MX2: variants seen among roughly 807,000 people sequenced by gnomAD.
MX2 encodes the protein MX dynamin like GTPase 2, also known as interferon-induced GTP-binding protein Mx2.
MX2 carries 51 observed loss-of-function variants against 74.0 expected under a neutral mutation model. The ratio of observed to expected loss-of-function variants is 0.69; its 90% CI spans 0.55 to 0.87. The LOEUF is 0.87. Ranked by LOEUF, MX2 falls within the 40% of genes least tolerant of loss-of-function variation. The pLI, the probability that MX2 is intolerant of heterozygous loss-of-function variation, is 0.00. For synonymous variants in MX2, 369 were observed against 339.3 expected (o/e 1.09, Z -0.96); for missense variants, 832 against 908.7 (o/e 0.92, Z 1.09).
At chr21:41,401,030 A>G (rs1009943347) in intron 10 of MX2, 1 of 152,184 alleles carries the variant, frequency 6.6e-6, no homozygotes, top group Non-Finnish European at 1.5e-5. Flanking sequence ...AAACTATCAG[A>G]TCCTGTGAGA....
chr21:41,395,346 G>T (rs1300403005), intron 6 of MX2, among the ~76,000 whole-genome samples: 8 of 152,160 alleles, frequency 5.3e-5, no homozygotes, highest in East Asian at 1.9e-4. Context: ...AGGCATCCAC[G>T]AAATATTTGT....
chr21:41,365,268 G>C (rs1025782143), intron 1 of MX2: 2 of 152,146 alleles, frequency 1.3e-5, no homozygotes, highest in Non-Finnish European at 2.9e-5. Context: ...TCCATGTGCA[G>C]GTTTGTTACA....
chr21:41,408,373 A>C lies in MX2; in HGVS notation c.*140A>C. The C allele has an allele frequency of 8.4e-7, 1 of 1,186,000 alleles. No homozygotes were observed. The highest frequency in any genetic ancestry group is 1.6e-5 in the South Asian group (1 of 64,450). 73.5% of individuals were successfully genotyped at this position (1,186,000 alleles called of 1,614,324 possible). On this transcript the variant is annotated 3_prime_UTR_variant, in exon 14 of 14. Coordinates refer to ENST00000330714, the MANE Select transcript of MX2 (RefSeq NM_002463.2). ...ATCTCTACTGTACTCCCTCAGCATCAGAGCATGCATCAGGGGTCCACACAG... is the reference window on the plus strand; with the variant it reads ...ATCTCTACTGTACTCCCTCAGCATCCGAGCATGCATCAGGGGTCCACACAG...
intron 6 of MX2, among the ~76,000 whole-genome samples, chr21:41,392,983 G>A (rs1231053888): frequency 1.3e-5 from 2 of 151,914 alleles, no homozygotes; most frequent in South Asian, 2.1e-4. Context: ...GCACAGGCCT[G>A]TAATCCCAGC....
At chr21:41,369,677 G>C (rs895999645) in intron 1 of MX2, among the ~76,000 whole-genome samples, 2 of 152,092 alleles carry the variant, frequency 1.3e-5, no homozygotes, top group Non-Finnish European at 2.9e-5. Context: ...GGTGCCCCTG[G>C]GGCCTTCCTG....
intron 2 of MX2, 110 bp from the exon 3 acceptor site, chr21:41,377,679 G>A: frequency 8.3e-7 from 1 of 1,201,584 alleles, no homozygotes; most frequent in Non-Finnish European, 1.2e-6. Flanking sequence ...CTCACCTCCT[G>A]TCTGCAACCC....
chr21:41,375,388 C>G (rs1209940427), intron 1 of MX2, among the ~76,000 whole-genome samples: 1 of 152,260 alleles, frequency 6.6e-6, no homozygotes, highest in African/African-American at 2.4e-5. Context: ...AGACCACAGA[C>G]TGGGTGGCTT....
chr21:41,400,117 C>T (rs1339101100), intron 10 of MX2, among the ~76,000 whole-genome samples: 1 of 152,160 alleles, frequency 6.6e-6, no homozygotes, highest in African/African-American at 2.4e-5. Flanking sequence ...TCATTAGTAG[C>T]AGCTAAACAT....
rs370864938 is a variant in MX2, at chr21:41,408,253, T to C, written c.*20T>C. The C allele has an allele frequency of 3.0e-5, 49 of 1,612,072 alleles. No homozygotes were observed. In the African/African-American group the frequency reaches 4.7e-4, roughly 15 times the overall value. ...CACTGAAGGGCGGCGATGCCTGTGG[T>C]TGTTTTCTTGTGCGTACTCATTCAT... On this transcript the variant is annotated 3_prime_UTR_variant, in exon 14 of 14. Transcript: ENST00000330714.
chr21:41,392,864 G>T (rs907421794), intron 6 of MX2, among the ~76,000 whole-genome samples: 15 of 152,012 alleles, frequency 9.9e-5, no homozygotes, highest in Non-Finnish European at 1.2e-4. Flanking sequence ...CAGCACTTTG[G>T]GGGGCCAAGG....
intron 4 of MX2, among the ~76,000 whole-genome samples, chr21:41,381,029 G>T (rs2089483103): frequency 6.6e-6 from 1 of 152,188 alleles, no homozygotes; most frequent in African/African-American, 2.4e-5. Context: ...GGGCCCTTTA[G>T]ACGACCCTGT....
rs1160821481 is a variant in MX2 at position 41,406,933 on chromosome 21, C to G, written c.1840C>G (p.Pro614Ala). Residue 614 changes from proline (P) to alanine (A), a missense_variant, in exon 13 of 14, where the codon CCC (proline) becomes GCC (alanine). Pro to Ala is a conservative substitution (Grantham distance 27). Transcript: ENST00000330714. ...SQNMKLNSHF[P>A]SNESSVSSFT... ...GAATATGAAGTTGAACTCTCATTTT[C>G]CCAGTAATGAGTCTTCGGTTTCCTC... 1.1e-5 allele frequency: 17 copies of G among 1,614,066 alleles called. No individual in the cohort carries two copies. The highest frequency in any genetic ancestry group is 1.3e-5 in the Non-Finnish European group (15 of 1,179,918).
At position 41,406,907 on chromosome 21, in the gene MX2, A is replaced by T; in HGVS notation, c.1814A>T (p.Gln605Leu). ...EIFNPLGTPS[Q>L]NMKLNSHFPS... ...TTTAACCCTCTGGGGACGCCTTCAC[A>T]GAATATGAAGTTGAACTCTCATTTT... is the stretch of plus-strand genomic sequence containing the variant. The change falls in exon 13 of 14, where the codon CAG becomes CTG. Residue 605 changes from glutamine to leucine, a missense_variant. Coordinates refer to ENST00000330714, the MANE Select transcript of MX2 (RefSeq NM_002463.2). The T allele has an allele frequency of 3.1e-6, 5 of 1,614,236 alleles. No individual in the cohort carries two copies. The highest frequency in any genetic ancestry group is 4.2e-6 in the Non-Finnish European group (5 of 1,180,036).
At chr21:41,384,803 G>A (rs183719619) in intron 5 of MX2, among the ~76,000 whole-genome samples, 2 of 148,020 alleles carry the variant, frequency 1.4e-5, no homozygotes, top group Admixed American at 1.4e-4. Flanking sequence ...CGTGCCACTG[G>A]ACTCCAGCCT....
intron 12 of MX2, chr21:41,404,749 A>G (rs2089862045): frequency 1.3e-5 from 2 of 152,164 alleles, no homozygotes; most frequent in South Asian, 2.1e-4. Context: ...TACATCGGAT[A>G]AAGTGCACAT....
At chr21:41,371,747 G>T (rs2089327954) in intron 1 of MX2, among the ~76,000 whole-genome samples, 1 of 152,114 alleles carries the variant, frequency 6.6e-6, no homozygotes, top group African/African-American at 2.4e-5. Context: ...TCCTTAAGCA[G>T]CTCCTTAAGG....
chr21:41,404,905 AAAAG>A (rs1157085484), intron 12 of MX2: 1 of 151,774 alleles, frequency 6.6e-6, no homozygotes, highest in East Asian at 1.9e-4. Flanking sequence ...AAAGAAAAAA[AAAAG>A]AGAAAGAACA....
rs2089270044 is a variant in MX2, at chr21:41,366,901, C to T, written c.-72+4846C>T. On this transcript the variant is annotated intron_variant, in intron 1 of 13. Transcript: ENST00000330714. The surrounding 1 kb of genome is among the most constrained non-coding windows in gnomAD (Gnocchi z 4.5). ...CTCACTGTTGACATGGCAACCCCCA[C>T]CCCCTGGACTCCTCGCTCAACCCAC... is the stretch of plus-strand genomic sequence containing the variant. The T allele has an allele frequency of 6.6e-6, 1 of 152,662 alleles. No individual in the cohort carries two copies. Among genetic ancestry groups the T allele is most frequent in the Admixed American group, 6.5e-5 (1 of 15,296 alleles). The allele number at this position is 152,662 out of a possible 1,614,324, so 9.5% of individuals were successfully genotyped here.
rs753076753 is a variant in MX2, at chr21:41,397,633, C to G, written c.1091C>G (p.Ser364Ter). ...PYFRVLLEEG[S>*]ATVPRLAERL... is the part of the protein sequence containing the mutation. ...TTCAGAGTTCTCCTGGAGGAGGGGT[C>G]AGCCACGGTTCCCCGACTGGCAGAA... The change falls in exon 8 of 14, where the codon TCA becomes TGA. Residue 364 changes from serine to a stop codon, truncating the protein, a stop_gained. Coordinates refer to ENST00000330714, the MANE Select transcript of MX2 (RefSeq NM_002463.2). LOFTEE classifies it high-confidence loss of function. 6.2e-7 allele frequency: 1 copy of G among 1,614,054 alleles called. No homozygotes were observed. Among genetic ancestry groups the G allele is most frequent in the Non-Finnish European group, 8.5e-7 (1 of 1,179,916 alleles).
Sources: allele counts gnomAD v4.1 joint callset (sites outside exome capture counted in the v4.1 genomes callset), GRCh38; gene constraint gnomAD v4.1.1; non-coding constraint Gnocchi (gnomAD v3.1); transcripts MANE v1.5; gene names NCBI Gene and HGNC (gene_info 2026-07-23, HGNC 2026-07-21).